The following PRPF18 variants were observed in gnomAD, a reference collection of about 807,000 sequenced individuals.
PRPF18 encodes the protein pre-mRNA-splicing factor 18.
PRPF18 carries 38 observed loss-of-function variants against 46.5 expected under a neutral mutation model. The observed-to-expected ratio is 0.82, with a 90% CI of 0.63 to 1.07. The LOEUF is 1.07. Among genes scored for constraint, PRPF18 ranks in the 50% least tolerant of loss-of-function variants. The pLI is 0.00. For missense variants in PRPF18, 263 were observed against 410.0 expected (o/e 0.64, Z 3.10); for synonymous variants, 152 against 146.7 (o/e 1.04, Z -0.26).
the PRPF18 span, chr10:13,652,079 G>C: frequency 1.5e-3 from 1,140 of 753,822 alleles, 9 homozygotes; most frequent in African/African-American, 0.017. Context: ...TATCCGAAAG[G>C]CTTGCTGATT....
At chr10:13,629,823 T>C (rs2080568470) in intron 9 of PRPF18, among the ~76,000 whole-genome samples, 1 of 152,228 alleles carries the variant, frequency 6.6e-6, no homozygotes, top group South Asian at 2.1e-4. Context: ...TCCTAAATTT[T>C]AGATGCATAA....
intron 9 of PRPF18, among the ~76,000 whole-genome samples, chr10:13,624,693 C>T (rs1336492889): frequency 6.6e-6 from 1 of 152,204 alleles, no homozygotes; most frequent in Non-Finnish European, 1.5e-5. Flanking sequence ...TGCTGGCAGC[C>T]AGGCTTTCAC....
chr10:13,610,523 T>G (rs762649236), intron 5 of PRPF18, among the ~76,000 whole-genome samples: 2 of 152,254 alleles, frequency 1.3e-5, no homozygotes, highest in African/African-American at 2.4e-5. Context: ...TTACTTTTCT[T>G]TTTTTCAGTT....
At chr10:13,618,187 A>G (rs1332450311) in intron 9 of PRPF18, among the ~76,000 whole-genome samples, 2 of 152,188 alleles carry the variant, frequency 1.3e-5, no homozygotes, top group Non-Finnish European at 1.5e-5. Context: ...TTAAGGTGGA[A>G]AAGAAACTGC....
At chr10:13,629,256 A>G (rs905249005) in intron 9 of PRPF18, among the ~76,000 whole-genome samples, 15 of 152,330 alleles carry the variant, frequency 9.8e-5, no homozygotes, top group African/African-American at 3.6e-4. Flanking sequence ...ACAGTTGCCA[A>G]GATACAGAAC....
chr10:13,613,986 T>G, intron 7 of PRPF18, 29 bp from the exon 8 acceptor site: 1 of 1,552,864 alleles, frequency 6.4e-7, no homozygotes, highest in Non-Finnish European at 8.8e-7. Context: ...ACATAGTAGC[T>G]TCCAAAATTT....
chr10:13,648,704 C>G, the PRPF18 span: 3 of 152,308 alleles, frequency 2.0e-5, no homozygotes, highest in South Asian at 6.2e-4. Flanking sequence ...GGCTGGTACA[C>G]GCTTTTGTTT....
intron 3 of PRPF18, among the ~76,000 whole-genome samples, chr10:13,601,443 G>A (rs558128776): frequency 1.3e-5 from 2 of 152,164 alleles, no homozygotes; most frequent in Admixed American, 6.5e-5. Context: ...AATACAAAAG[G>A]CTGTAAAACA....
chr10:13,615,595 A>AT (rs1165910464), intron 8 of PRPF18, among the ~76,000 whole-genome samples: 3 of 152,068 alleles, frequency 2.0e-5, no homozygotes, highest in East Asian at 1.9e-4. Context: ...TAGGTGTCTG[A>AT]TTTTTTTAAA....
intron 4 of PRPF18, among the ~76,000 whole-genome samples, chr10:13,606,579 A>C (rs546262794): frequency 2.0e-5 from 3 of 152,206 alleles, no homozygotes; most frequent in Non-Finnish European, 4.4e-5. Flanking sequence ...TACTAAAAAT[A>C]CAAAAATTAG....
chr10:13,592,935 C>T (rs1189280587), intron 1 of PRPF18, among the ~76,000 whole-genome samples: 1 of 152,178 alleles, frequency 6.6e-6, no homozygotes, highest in African/African-American at 2.4e-5. Context: ...GCTAACACCA[C>T]TAGAGTATAA....
At chr10:13,615,177 A>T (rs1455473720) in intron 8 of PRPF18, among the ~76,000 whole-genome samples, 3 of 152,226 alleles carry the variant, frequency 2.0e-5, no homozygotes, top group African/African-American at 7.2e-5. Context: ...GCATGGATGG[A>T]TAAGGTCACC....
At chr10:13,615,807 G>C (rs185757348) in intron 8 of PRPF18, among the ~76,000 whole-genome samples, 2 of 152,160 alleles carry the variant, frequency 1.3e-5, no homozygotes, top group East Asian at 1.9e-4. Context: ...GGGGTGGGGT[G>C]GGGGGCAAAG....
intron 4 of PRPF18, among the ~76,000 whole-genome samples, chr10:13,608,275 T>C (rs991896798): frequency 2.0e-5 from 3 of 152,234 alleles, no homozygotes; most frequent in African/African-American, 7.2e-5. Context: ...GCCGAAATCA[T>C]GTGAGGCTGC....
Position 13,616,572 on chromosome 10 carries a change from C to A in PRPF18, c.948+19C>A. Reference sequence around the variant, plus strand: ...TATTCAGGTAAGCAGTTTGGAGAGCCGGGAATTGCCCTGGAAGTGAATATT... The same window carrying A: ...TATTCAGGTAAGCAGTTTGGAGAGCAGGGAATTGCCCTGGAAGTGAATATT... On this transcript the variant is annotated intron_variant, in intron 9 of 9. Transcript: ENST00000378572. The A allele has an allele frequency of 6.2e-7, 1 of 1,612,386 alleles. No individual in the cohort carries two copies.
downstream of PRPF18, chr10:13,631,288 G>T (rs570845246): frequency 6.6e-6 from 1 of 152,406 alleles, no homozygotes; most frequent in Non-Finnish European, 1.5e-5. Flanking sequence ...TTTAGAACCC[G>T]AGAGGCCTCT....
the PRPF18 span, chr10:13,641,335 G>A: frequency 6.6e-6 from 1 of 152,300 alleles, no homozygotes; most frequent in East Asian, 1.9e-4. Context: ...TCATTGGTGA[G>A]GTTTGGAGGG....
intron 9 of PRPF18, among the ~76,000 whole-genome samples, chr10:13,618,001 G>A (rs1458349063): frequency 6.6e-6 from 1 of 152,202 alleles, no homozygotes; most frequent in Non-Finnish European, 1.5e-5. Context: ...AAGCCATGGA[G>A]CATTAAATAA....
At chr10:13,617,441 T>A (rs2080361494) in intron 9 of PRPF18, among the ~76,000 whole-genome samples, 1 of 152,158 alleles carries the variant, frequency 6.6e-6, no homozygotes, top group Non-Finnish European at 1.5e-5. Context: ...TCGGACTCCC[T>A]CATGTGAACT....
Sources: allele counts gnomAD v4.1 joint callset (sites outside exome capture counted in the v4.1 genomes callset), GRCh38; gene constraint gnomAD v4.1.1; transcripts MANE v1.5; gene names NCBI Gene and HGNC (gene_info 2026-07-23, HGNC 2026-07-21).